The following CHORDC1 variants were observed in gnomAD, a reference collection of about 807,000 sequenced individuals.
CHORDC1 encodes the protein cysteine and histidine rich domain containing 1.
A neutral mutation model predicts 48.3 loss-of-function variants in CHORDC1; 25 were observed. The ratio of observed to expected loss-of-function variants is 0.52; its 90% CI spans 0.38 to 0.72. The LOEUF (loss-of-function observed/expected upper bound fraction) is 0.72, where lower values mean the gene tolerates loss of function less well. Ranked by LOEUF, CHORDC1 falls within the 30% of genes least tolerant of loss-of-function variation. CHORDC1 has a pLI of 0.00. For synonymous variants in CHORDC1, 128 were observed against 126.4 expected, an observed-to-expected ratio of 1.01 and a Z score of -0.09; for missense variants, 317 against 388.7, an observed-to-expected ratio of 0.82 and a Z score of 1.55.
At chr11:90,202,677 C>T in intron 10 of CHORDC1, 126 bp from the exon 11 acceptor site, 5 of 1,391,624 alleles carry the variant, frequency 3.6e-6, no homozygotes, top group Non-Finnish European at 4.9e-6. Context: ...TATATCTAGT[C>T]TTAAACTTTT....
rs988312466 is a variant in CHORDC1, at chr11:90,203,439, G to A, written c.670-12C>T. On this transcript the variant is annotated splice_polypyrimidine_tract_variant and intron_variant, in intron 8 of 10. Coordinates refer to ENST00000320585, the MANE Select transcript of CHORDC1 (RefSeq NM_012124.3). ...ACAACTTTTTTCCCCTGTAATGTAAGAGAAACTCTGTAAGTTAAAAAAGTG... is the reference window on the plus strand; with the variant it reads ...ACAACTTTTTTCCCCTGTAATGTAAAAGAAACTCTGTAAGTTAAAAAAGTG... The A allele has an allele frequency of 6.5e-7, 1 of 1,529,482 alleles. No individual in the cohort carries two copies. The highest frequency in any genetic ancestry group is 1.7e-5 in the Admixed American group (1 of 58,348). The allele number at this position is 1,529,482 out of a possible 1,614,324, so 94.7% of individuals were successfully genotyped here. A position where few individuals can be genotyped will look rare whatever the true frequency, so the allele number is the denominator to read the frequency against.
intron 6 of CHORDC1, chr11:90,207,787 A>C (rs915149628): frequency 6.8e-6 from 1 of 146,158 alleles, no homozygotes; most frequent in Non-Finnish European, 1.5e-5. Context: ...AACAAAAAAA[A>C]CTCGTATAAC....
intron 4 of CHORDC1, chr11:90,212,622 T>C (rs1296699740): frequency 1.3e-5 from 2 of 152,106 alleles, no homozygotes; most frequent in Non-Finnish European, 2.9e-5. Context: ...AAGAAAAGTA[T>C]GTAAAAACTG....
intron 6 of CHORDC1, 60 bp from the exon 7 acceptor site, chr11:90,206,332 A>T: frequency 5.4e-6 from 5 of 926,664 alleles, no homozygotes; most frequent in Non-Finnish European, 8.8e-6. Context: ...CATCTCATAC[A>T]TATTTGCAGT....
chr11:90,215,221 A>G lies in CHORDC1; in HGVS notation c.124T>C (p.Cys42Arg). The stretch of plus-strand genomic sequence containing the variant: ...AAATCAGTTGTTCTTCTCTTACAGC[A>G]AGACCAACCCTATGAAAAACAAGAG... ...VFHDALKGWS[C>R]CKRRTTDFSD... The change falls in exon 3 of 11, where the codon TGC becomes CGC. Residue 42 changes from cysteine (C) to arginine (R), a missense_variant. Coordinates refer to ENST00000320585, the MANE Select transcript of CHORDC1 (RefSeq NM_012124.3). 1 of 1,562,586 alleles carries G rather than the reference A, an allele frequency of 6.4e-7. No individual in the cohort carries two copies. The highest frequency in any genetic ancestry group is 2.3e-5 in the East Asian group (1 of 42,856).
intron 7 of CHORDC1, 122 bp downstream of exon 7, chr11:90,206,080 T>A (rs997499827): frequency 4.3e-6 from 3 of 703,684 alleles, no homozygotes; most frequent in African/African-American, 3.6e-5. Flanking sequence ...ATTGTGAAGA[T>A]GTTAATGGCA....
At chr11:90,213,408 G>A in intron 4 of CHORDC1, 2 of 698,874 alleles carry the variant, frequency 2.9e-6, no homozygotes, top group East Asian at 2.7e-5. Flanking sequence ...CTCAAGTGTA[G>A]CACGAAGAAG....
chr11:90,217,376 C>G (rs1331379129), intron 2 of CHORDC1, among the ~76,000 whole-genome samples: 2 of 152,132 alleles, frequency 1.3e-5, no homozygotes, highest in Non-Finnish European at 2.9e-5. Flanking sequence ...ATGTATCATA[C>G]TATCATGAAT....
intron 1 of CHORDC1, among the ~76,000 whole-genome samples, chr11:90,218,445 T>C (rs1858075344): frequency 6.6e-6 from 1 of 152,196 alleles, no homozygotes; most frequent in South Asian, 2.1e-4. Flanking sequence ...TATATTCCCC[T>C]AATCTTGGTA....
intron 2 of CHORDC1, among the ~76,000 whole-genome samples, chr11:90,217,336 C>G (rs569044018): frequency 1.3e-3 from 204 of 151,154 alleles, no homozygotes; most frequent in African/African-American, 4.7e-3. Context: ...ACAGCATCAT[C>G]TTTTGAGATA....
chr11:90,222,301 C>T (rs1858191361), intron 1 of CHORDC1, among the ~76,000 whole-genome samples: 1 of 152,210 alleles, frequency 6.6e-6, no homozygotes. Flanking sequence ...AGATAACTAA[C>T]GTACCACCAG....
In CHORDC1 at chr11:90,200,435, G is replaced by C. The variant is rs936882382; in HGVS notation, c.*1970C>G. On this transcript the variant is annotated 3_prime_UTR_variant, in exon 11 of 11. Transcript: ENST00000320585. ...CTAAAAAAGACAAAGCAAATTTCTA[G>C]AGAAATAAATCAATAAGCACTTTTT... Among the ~76,000 whole-genome samples, 3 of 151,880 alleles carry C rather than the reference G, an allele frequency of 2.0e-5. No individual in the cohort carries two copies. Among genetic ancestry groups the C allele is most frequent in the African/African-American group, 4.8e-5 (2 of 41,422 alleles).
chr11:90,218,574 G>A (rs770222825), intron 1 of CHORDC1, among the ~76,000 whole-genome samples: 71 of 152,160 alleles, frequency 4.7e-4, no homozygotes, highest in Non-Finnish European at 9.4e-4. Flanking sequence ...CATCCATAAA[G>A]GTTTCACAAG....
chr11:90,206,906 G>A, intron 6 of CHORDC1: 1 of 458,782 alleles, frequency 2.2e-6, no homozygotes, highest in Non-Finnish European at 3.9e-6. Flanking sequence ...CCTACAAACA[G>A]AAAATAAAAT....
chr11:90,219,268 AAAAC>A (rs928336413), intron 1 of CHORDC1, among the ~76,000 whole-genome samples: 3 of 152,086 alleles, frequency 2.0e-5, no homozygotes, highest in Non-Finnish European at 4.4e-5. Context: ...CATCTTAAAA[AAAAC>A]AAACAAAAAA....
rs1591046765 is a variant in CHORDC1 at position 90,202,477 on chromosome 11, C to T, written c.927G>A (p.Pro309=). 2.5e-6 allele frequency: 4 copies of T among 1,612,498 alleles called. No homozygotes were observed. The highest frequency in any genetic ancestry group is 2.2e-5 in the South Asian group (2 of 91,022). The part of the protein sequence containing the change: ...KIEITMRKAE[P]MQWASLELPA... The stretch of plus-strand genomic sequence containing the variant: ...GCAGTTCAAGGCTTGCCCACTGCAT[C>T]GGTTCAGCTTTTCTCATAGTGATTT... Residue 309 remains proline (P), a synonymous_variant, in exon 11 of 11, where the codon CCG becomes CCA. Transcript: ENST00000320585.
chr11:90,205,640 AT>A, intron 7 of CHORDC1, 75 bp from the exon 8 acceptor site: 1 of 945,900 alleles, frequency 1.1e-6, no homozygotes, highest in East Asian at 2.4e-5. Flanking sequence ...TTAGGGATAA[AT>A]CTGATTTTTA....
intron 7 of CHORDC1, 101 bp from the exon 8 acceptor site, chr11:90,205,666 G>A (rs1857661249): frequency 2.8e-6 from 2 of 710,490 alleles, no homozygotes; most frequent in Non-Finnish European, 4.8e-6. Context: ...GCCAGTAAGT[G>A]TACAAACTCT....
rs1858139541 is a variant in CHORDC1, at chr11:90,220,515, CAT to C, written c.65-2333_65-2332del. Among the ~76,000 whole-genome samples the C allele has an allele frequency of 5.9e-5, 9 of 152,218 alleles. No homozygotes were observed. In the South Asian group the frequency reaches 1.9e-3, roughly 32 times the overall value. On this transcript the variant is annotated intron_variant, in intron 1 of 10. Transcript: ENST00000320585. ...ACACCAAATTTAAAGTAGTCAGAAA[CAT>C]AAACGCAATGTATAACAGAGTCAGA...
Sources: allele counts gnomAD v4.1 joint callset (sites outside exome capture counted in the v4.1 genomes callset), GRCh38; gene constraint gnomAD v4.1.1; transcripts MANE v1.5; gene names NCBI Gene and HGNC (gene_info 2026-07-23, HGNC 2026-07-21).